PPM1H: variants seen among roughly 807,000 people sequenced by gnomAD.
PPM1H encodes protein phosphatase 1H.
A neutral mutation model predicts 54.9 loss-of-function variants in PPM1H; 27 were observed. The observed-to-expected ratio is 0.49, with a 90% CI of 0.36 to 0.68. The LOEUF is 0.68. Ranked by LOEUF, PPM1H falls within the 30% of genes least tolerant of loss-of-function variation. PPM1H has a pLI of 0.00. For missense variants in PPM1H, 596 were observed against 667.8 expected (o/e 0.89, Z 1.19); for synonymous variants, 305 against 270.8 (o/e 1.13, Z -1.24).
chr12:62,918,390 T>C (rs570334083), intron 1 of PPM1H, among the ~76,000 whole-genome samples: 1 of 152,326 alleles, frequency 6.6e-6, no homozygotes, highest in South Asian at 2.1e-4. Flanking sequence ...AGTAAATGCA[T>C]GATGGTACCA....
chr12:62,867,564 ATTTTTTTTTTTTTTT>A (rs34772338), intron 1 of PPM1H, among the ~76,000 whole-genome samples: 4 of 55,372 alleles, frequency 7.2e-5, no homozygotes, highest in Admixed American at 2.9e-4. Flanking sequence ...TATGAGCACT[ATTTTTTTTTTTTTTT>A]TTTTTTTTTT....
intron 1 of PPM1H, among the ~76,000 whole-genome samples, chr12:62,854,473 G>A (rs1005346345): frequency 2.6e-5 from 4 of 152,120 alleles, no homozygotes; most frequent in Non-Finnish European, 4.4e-5. Context: ...TAGTCACAGG[G>A]GTGGGGGTGG....
intron 4 of PPM1H, among the ~76,000 whole-genome samples, chr12:62,770,676 T>G (rs898997502): frequency 1.3e-5 from 2 of 151,844 alleles, no homozygotes; most frequent in African/African-American, 4.8e-5. Flanking sequence ...ATGACAAGGG[T>G]GTGGTGGGGG....
intron 1 of PPM1H, among the ~76,000 whole-genome samples, chr12:62,933,723 C>G (rs1484888512): frequency 1.3e-5 from 2 of 151,896 alleles, no homozygotes; most frequent in Non-Finnish European, 2.9e-5. Context: ...ATAAAATCCT[C>G]CACCTCTCCT....
chr12:62,719,888 A>G (rs1330532130), intron 6 of PPM1H, among the ~76,000 whole-genome samples: 1 of 152,206 alleles, frequency 6.6e-6, no homozygotes, highest in East Asian at 1.9e-4. Flanking sequence ...ATGTGTTTTT[A>G]AAGCCCTCAA....
intron 2 of PPM1H, among the ~76,000 whole-genome samples, chr12:62,803,999 T>C (rs1255270534): frequency 6.6e-6 from 1 of 152,148 alleles, no homozygotes. Context: ...CTCAGTGAAC[T>C]GAAATTAAGG....
intron 1 of PPM1H, among the ~76,000 whole-genome samples, chr12:62,899,423 AT>A (rs1871091347): frequency 6.6e-6 from 1 of 152,208 alleles, no homozygotes; most frequent in African/African-American, 2.4e-5. Context: ...ACTAAAAAAA[AT>A]TAAAAATTTA....
intron 1 of PPM1H, among the ~76,000 whole-genome samples, chr12:62,873,887 A>G (rs930360743): frequency 3.9e-5 from 6 of 152,216 alleles, no homozygotes; most frequent in Non-Finnish European, 7.3e-5. Flanking sequence ...CCTAACTTAG[A>G]TGAGAACGTT....
At chr12:62,842,703 T>C (rs1868800394) in intron 1 of PPM1H, among the ~76,000 whole-genome samples, 1 of 152,234 alleles carries the variant, frequency 6.6e-6, no homozygotes, top group Non-Finnish European at 1.5e-5. Flanking sequence ...ACTTGGGAGT[T>C]ATCTTTAAAG....
At chr12:62,650,451 A>G (rs1055350108) in intron 9 of PPM1H, among the ~76,000 whole-genome samples, 4 of 152,208 alleles carry the variant, frequency 2.6e-5, no homozygotes, top group Non-Finnish European at 5.9e-5. Context: ...AGATCAGGAA[A>G]TAAAGGCCTC....
chr12:62,836,071 C>G (rs1868494928), intron 1 of PPM1H, among the ~76,000 whole-genome samples: 2 of 152,298 alleles, frequency 1.3e-5, no homozygotes, highest in African/African-American at 2.4e-5. Context: ...AAGTCAGTAC[C>G]ACCTTGAGGT....
In PPM1H at chr12:62,722,715, T is replaced by A. The variant is rs2076270291; in HGVS notation, c.955-2426A>T. On this transcript the variant is annotated intron_variant, in intron 5 of 9. Transcript: ENST00000228705. The stretch of plus-strand genomic sequence containing the variant: ...ACATTAAATAACTAGAAGAAATCAT[T>A]GAATGAATAACTCATTAAATAAACT... 2.0e-5 allele frequency among the ~76,000 whole-genome samples: 3 copies of A among 152,156 alleles called. No homozygotes were observed. In the East Asian group the frequency reaches 5.8e-4, roughly 29 times the overall value.
intron 5 of PPM1H, among the ~76,000 whole-genome samples, chr12:62,724,573 A>C (rs1249805927): frequency 1.3e-5 from 2 of 152,184 alleles, no homozygotes; most frequent in Non-Finnish European, 2.9e-5. Flanking sequence ...AAGGGCCTTA[A>C]ATATTGTGTC....
chr12:62,871,006 T>C (rs1255754800), intron 1 of PPM1H, among the ~76,000 whole-genome samples: 5 of 152,186 alleles, frequency 3.3e-5, no homozygotes, highest in Admixed American at 1.3e-4. Context: ...AGTTTGGCAA[T>C]TCCTGAAAAA....
chr12:62,885,141 C>G (rs140715966), intron 1 of PPM1H, among the ~76,000 whole-genome samples: 2 of 152,146 alleles, frequency 1.3e-5, no homozygotes, highest in Non-Finnish European at 1.5e-5. Context: ...TTCACTATCA[C>G]GAGAATAGCA....
At position 62,920,202 on chromosome 12, in the gene PPM1H, A is replaced by T. The variant is rs190908809; in HGVS notation, c.245+14290T>A. Among the ~76,000 whole-genome samples, 128 of 152,340 alleles carry T rather than the reference A, an allele frequency of 8.4e-4. No individual in the cohort carries two copies. In the Middle Eastern group the frequency reaches 0.01, roughly 12 times the overall value. On this transcript the variant is annotated intron_variant, in intron 1 of 9. Transcript: ENST00000228705. ...CCTTATGGGGAAACACTGTCCTAAA[A>T]GGCTGATAAAATTACTGTTTGTCCC...
At chr12:62,806,475 C>G (rs73316232) in intron 2 of PPM1H, among the ~76,000 whole-genome samples, 89 of 152,230 alleles carry the variant, frequency 5.8e-4, no homozygotes, top group African/African-American at 2.0e-3. Context: ...CTGACTGATA[C>G]GGTTTGGATT....
chr12:62,658,826 A>C, intron 9 of PPM1H: 1 of 531,816 alleles, frequency 1.9e-6, no homozygotes, highest in South Asian at 1.7e-5. Flanking sequence ...CATCAGGGCC[A>C]ACTTCAGACT....
At chr12:62,723,767 T>C (rs548128674) in intron 5 of PPM1H, among the ~76,000 whole-genome samples, 1 of 152,260 alleles carries the variant, frequency 6.6e-6, no homozygotes, top group East Asian at 1.9e-4. Context: ...ATACGTGGCA[T>C]GCATATATAT....
Sources: allele counts gnomAD v4.1 joint callset (sites outside exome capture counted in the v4.1 genomes callset), GRCh38; gene constraint gnomAD v4.1.1; transcripts MANE v1.5; gene names NCBI Gene and HGNC (gene_info 2026-07-23, HGNC 2026-07-21).